FILIP1: variants seen among roughly 807,000 people sequenced by gnomAD.
FILIP1 encodes the protein filamin A interacting protein 1, also known as filamin-A-interacting protein 1.
A neutral mutation model predicts 102.1 loss-of-function variants in FILIP1; 61 were observed. The observed-to-expected ratio is 0.60, with a 90% CI of 0.49 to 0.74. The LOEUF is 0.74. Among genes scored for constraint, FILIP1 ranks in the 30% least tolerant of loss-of-function variants. The pLI is 0.00. For missense variants in FILIP1, 1,314 were observed against 1,441.2 expected (o/e 0.91, Z 1.43); for synonymous variants, 491 against 526.9 (o/e 0.93, Z 0.93).
At chr6:75,453,134 A>G (rs2951922) in intron 1 of FILIP1, among the ~76,000 whole-genome samples, 106,291 of 152,042 alleles carry the variant, frequency 0.7, 37,994 homozygotes, top group African/African-American at 0.86. Context: ...GGATTACCCC[A>G]TACAGAGTTG....
chr6:75,313,547 T>C lies in FILIP1; in HGVS notation c.2285A>G (p.Asn762Ser), dbSNP rs758261361. 1.9e-6 allele frequency: 3 copies of C among 1,614,220 alleles called. No individual in the cohort carries two copies. The highest frequency in any genetic ancestry group is 1.7e-6 in the Non-Finnish European group (2 of 1,180,044). ...GAGAACCTCCTGCCCCATGTTTTTG[T>C]TCTTATTTTCTTCTTCCATAAATCT... Reference protein sequence around the residue: ...QQRFMEEENKNKNMGQEVLNL... With the variant: ...QQRFMEEENKSKNMGQEVLNL... Residue 762 changes from asparagine to serine, a missense_variant, in exon 5 of 6, where the codon AAC (asparagine) becomes AGC (serine). Coordinates refer to ENST00000237172, the MANE Select transcript of FILIP1 (RefSeq NM_015687.5). The surrounding 1 kb of genome is among the most constrained non-coding windows in gnomAD (Gnocchi z 4.2).
chr6:75,295,879 C>G (rs1335095386), exon 7 of FILIP1: 1 of 1,397,620 alleles, frequency 7.2e-7, no homozygotes, highest in Non-Finnish European at 9.3e-7. Flanking sequence ...AGAGGTCGTA[C>G]ACACACCCAG....
intron 3 of FILIP1, chr6:75,358,377 T>G (rs1775070608): frequency 6.6e-6 from 1 of 152,150 alleles, no homozygotes; most frequent in Non-Finnish European, 1.5e-5. Flanking sequence ...GGAAGGTATT[T>G]CAGACATTGT....
chr6:75,453,737 A>G (rs1778720552), intron 1 of FILIP1, among the ~76,000 whole-genome samples: 1 of 152,148 alleles, frequency 6.6e-6, no homozygotes, highest in Non-Finnish European at 1.5e-5. Context: ...AATTGAGCCC[A>G]GGGGTTCAAG....
At chr6:75,443,308 A>G (rs934387905) in intron 1 of FILIP1, among the ~76,000 whole-genome samples, 1 of 152,254 alleles carries the variant, frequency 6.6e-6, no homozygotes, top group African/African-American at 2.4e-5. Flanking sequence ...TTTATGCCAA[A>G]AGCATTAGCA....
chr6:75,308,685 C>T lies in FILIP1; in HGVS notation c.*6G>A, dbSNP rs1463598061. ...TCTGCACAACATACCCCCTTAGCCACTGCCCTCAGCCCTTCCCCCCTCCGA... is the reference window on the plus strand; with the variant it reads ...TCTGCACAACATACCCCCTTAGCCATTGCCCTCAGCCCTTCCCCCCTCCGA... On this transcript the variant is annotated 3_prime_UTR_variant, in exon 6 of 6. Coordinates refer to ENST00000237172, the MANE Select transcript of FILIP1 (RefSeq NM_015687.5). 3 of 1,612,450 alleles carry T rather than the reference C, an allele frequency of 1.9e-6. No homozygotes were observed. The African/African-American group carries it at 4.0e-5, about 22-fold the overall frequency.
intron 4 of FILIP1, among the ~76,000 whole-genome samples, chr6:75,318,258 C>T (rs1341826577): frequency 2.6e-5 from 3 of 117,462 alleles, no homozygotes; most frequent in Non-Finnish European, 5.0e-5. Context: ...TTTTTAGAGA[C>T]GAGATCTTGT....
intron 2 of FILIP1, among the ~76,000 whole-genome samples, chr6:75,364,030 G>A (rs1048440083): frequency 4.6e-5 from 7 of 152,128 alleles, no homozygotes; most frequent in Middle Eastern, 3.2e-3. Flanking sequence ...CTTTCTTGAG[G>A]TTTCTCACTT....
intron 4 of FILIP1, among the ~76,000 whole-genome samples, chr6:75,329,812 C>A (rs949022246): frequency 2.0e-5 from 3 of 151,930 alleles, no homozygotes; most frequent in Non-Finnish European, 4.4e-5. Context: ...TAGGTATATA[C>A]ACTTATGGGG....
chr6:75,375,307 C>T (rs1775715161), intron 2 of FILIP1, among the ~76,000 whole-genome samples: 1 of 152,202 alleles, frequency 6.6e-6, no homozygotes, highest in South Asian at 2.1e-4. Flanking sequence ...ACATCATGCT[C>T]TCAGTATAGA....
chr6:75,332,918 C>T (rs1290034149), intron 4 of FILIP1, among the ~76,000 whole-genome samples: 1 of 152,148 alleles, frequency 6.6e-6, no homozygotes, highest in Non-Finnish European at 1.5e-5. Context: ...CACTTTTATA[C>T]AGTGCTGGGC....
chr6:75,360,101 T>C (rs1176929886), intron 3 of FILIP1, among the ~76,000 whole-genome samples: 2 of 152,188 alleles, frequency 1.3e-5, no homozygotes, highest in Non-Finnish European at 2.9e-5. Flanking sequence ...AAGCTGCTGA[T>C]GACAACAGGC....
At chr6:75,433,821 G>T (rs890698381) in intron 1 of FILIP1, among the ~76,000 whole-genome samples, 3 of 152,072 alleles carry the variant, frequency 2.0e-5, no homozygotes, top group African/African-American at 7.2e-5. Flanking sequence ...TATGGTTTTA[G>T]GTCTAACATT....
intron 3 of FILIP1, 131 bp downstream of exon 3, chr6:75,362,613 C>T: frequency 1.4e-6 from 1 of 732,790 alleles, no homozygotes; most frequent in South Asian, 1.9e-5. Flanking sequence ...TTTAATTACA[C>T]TTTAATTGTA....
At chr6:75,437,352 A>G (rs1176282119) in intron 1 of FILIP1, among the ~76,000 whole-genome samples, 4 of 152,220 alleles carry the variant, frequency 2.6e-5, no homozygotes, top group Non-Finnish European at 4.4e-5. Flanking sequence ...TGTAAAGAAA[A>G]CAAGCTGGAT....
intron 2 of FILIP1, among the ~76,000 whole-genome samples, chr6:75,383,533 T>C (rs1026755406): frequency 2.0e-5 from 3 of 152,164 alleles, no homozygotes; most frequent in African/African-American, 7.2e-5. Context: ...TTAAACAAAA[T>C]GAAACGTATA....
chr6:75,386,499 G>A (rs1298785915), intron 2 of FILIP1: 1 of 152,116 alleles, frequency 6.6e-6, no homozygotes, highest in African/African-American at 2.4e-5. Flanking sequence ...AGATACCATG[G>A]AGCTGCAGCA....
intron 2 of FILIP1, among the ~76,000 whole-genome samples, chr6:75,403,447 T>A (rs1208241258): frequency 1.4e-5 from 2 of 144,372 alleles, no homozygotes; most frequent in African/African-American, 5.2e-5. Flanking sequence ...TTCAGGAGAT[T>A]GAGGCTGCAG....
chr6:75,442,402 C>G (rs1778295498), intron 1 of FILIP1, among the ~76,000 whole-genome samples: 1 of 152,200 alleles, frequency 6.6e-6, no homozygotes, highest in African/African-American at 2.4e-5. Flanking sequence ...CCAAGGCAGG[C>G]GGCTGGGAGG....
Sources: gnomAD v4.1 joint callset for allele counts (sites outside exome capture counted in the v4.1 genomes callset) on GRCh38, gnomAD v4.1.1 for gene constraint, Gnocchi (gnomAD v3.1) non-coding constraint, MANE v1.5 for transcripts, NCBI Gene and HGNC (gene_info 2026-07-23, HGNC 2026-07-21) for gene names.